The following KCNC2 variants were observed in gnomAD, a reference collection of about 807,000 sequenced individuals.
KCNC2 encodes potassium voltage-gated channel subfamily C member 2.
Under a neutral mutation model 44.5 loss-of-function variants are expected in KCNC2, and 21 were observed. The observed-to-expected ratio is 0.47, with a 90% CI of 0.33 to 0.68. KCNC2 has a LOEUF of 0.68. Ranked by LOEUF, KCNC2 falls within the 30% of genes least tolerant of loss-of-function variation. KCNC2 has a pLI of 0.01. For missense variants in KCNC2, 589 were observed against 826.2 expected (o/e 0.71, Z 3.52); for synonymous variants, 391 against 339.1 (o/e 1.15, Z -1.68).
At chr12:75,086,699 TACACAC>T in intron 2 of KCNC2, among the ~76,000 whole-genome samples, 1 of 138,902 alleles carries the variant, frequency 7.2e-6, no homozygotes, top group East Asian at 2.1e-4. Flanking sequence ...TATATATATA[TACACAC>T]ACATATTTAT....
intron 2 of KCNC2, among the ~76,000 whole-genome samples, chr12:75,075,382 T>C (rs1883831632): frequency 6.6e-6 from 1 of 151,124 alleles, no homozygotes; most frequent in Non-Finnish European, 1.5e-5. Flanking sequence ...AGCTGAATAA[T>C]CTCCTTACTA....
rs555181047 is a variant in KCNC2, at chr12:75,207,034, A to G, written c.687+263T>C. On this transcript the variant is annotated intron_variant, in intron 2 of 4. Coordinates refer to ENST00000549446, the MANE Select transcript of KCNC2 (RefSeq NM_139137.4). This position sits in a 1 kb window ranked among gnomAD's most constrained non-coding sequence, Gnocchi z 4.1. ...CAAAGACGTGCACAGAAAAGTCGAC[A>G]TTGGCCCTCTAGGTCCCATCTGCTA... 4.6e-5 allele frequency among the ~76,000 whole-genome samples: 7 copies of G among 152,298 alleles called. No homozygotes were observed. The South Asian group carries it at 1.2e-3, about 27-fold the overall frequency.
intron 1 of KCNC2, among the ~76,000 whole-genome samples, chr12:75,208,635 C>G (rs898355438): frequency 6.7e-6 from 1 of 149,948 alleles, no homozygotes; most frequent in African/African-American, 2.5e-5. Context: ...CCCCGGACCC[C>G]TCTCTACTCC....
At chr12:75,146,000 C>T (rs1890001156) in intron 2 of KCNC2, among the ~76,000 whole-genome samples, 1 of 148,734 alleles carries the variant, frequency 6.7e-6, no homozygotes, top group African/African-American at 2.5e-5. Context: ...GTTGCCCAGG[C>T]TTGAGTGCAG....
chr12:75,048,983 T>A (rs1330270382), intron 3 of KCNC2, among the ~76,000 whole-genome samples: 3 of 152,168 alleles, frequency 2.0e-5, no homozygotes. Flanking sequence ...TTTCAATGTT[T>A]ACCTGGGATG....
intron 2 of KCNC2, among the ~76,000 whole-genome samples, chr12:75,078,828 G>T (rs552133213): frequency 1.4e-3 from 209 of 152,232 alleles, no homozygotes; most frequent in African/African-American, 4.8e-3. Context: ...CTCTATTAAA[G>T]TTTCAGTGTT....
chr12:75,161,288 A>T (rs2926147), intron 2 of KCNC2, among the ~76,000 whole-genome samples: 151,790 of 151,790 alleles, frequency 1, 75,895 homozygotes, highest in Non-Finnish European at 1. Context: ...TGTACATATA[A>T]TACTAGAAAT....
chr12:75,064,203 T>C (rs1882604464), intron 2 of KCNC2, among the ~76,000 whole-genome samples: 1 of 152,092 alleles, frequency 6.6e-6, no homozygotes, highest in South Asian at 2.1e-4. Flanking sequence ...TAAAACACTT[T>C]TTATTAGCTA....
At chr12:75,149,893 T>C (rs921130444) in intron 2 of KCNC2, among the ~76,000 whole-genome samples, 2 of 151,896 alleles carry the variant, frequency 1.3e-5, no homozygotes, top group Non-Finnish European at 2.9e-5. Flanking sequence ...ACAAATTCAG[T>C]AAAAATTTCC....
intron 2 of KCNC2, among the ~76,000 whole-genome samples, chr12:75,177,032 TTATATATATA>T (rs3073537): frequency 7.1e-6 from 1 of 139,912 alleles, no homozygotes. Context: ...GCTGCAAGTT[TTATATATATA>T]TATATATATA....
At chr12:75,206,746 C>A (rs2031716660) in intron 2 of KCNC2, among the ~76,000 whole-genome samples, 1 of 152,176 alleles carries the variant, frequency 6.6e-6, no homozygotes, top group Non-Finnish European at 1.5e-5. Flanking sequence ...CTCTTCACAA[C>A]ATAAACCTCC....
chr12:75,072,560 T>A (rs1010231483), intron 2 of KCNC2, among the ~76,000 whole-genome samples: 11 of 150,782 alleles, frequency 7.3e-5, no homozygotes, highest in African/African-American at 2.4e-4. Flanking sequence ...TTTGAGAAAG[T>A]CAAAGATATT....
intron 2 of KCNC2, among the ~76,000 whole-genome samples, chr12:75,189,647 T>C (rs1250173024): frequency 6.6e-6 from 1 of 152,228 alleles, no homozygotes; most frequent in Non-Finnish European, 1.5e-5. Flanking sequence ...ATTAAACCTG[T>C]GCCAGGCTTC....
At chr12:75,190,802 A>G (rs892933625) in intron 2 of KCNC2, among the ~76,000 whole-genome samples, 16 of 152,144 alleles carry the variant, frequency 1.1e-4, no homozygotes, top group Non-Finnish European at 2.9e-5. Flanking sequence ...TTAAACAGGT[A>G]TAAATATGAC....
At chr12:75,103,778 T>C (rs745923939) in intron 2 of KCNC2, among the ~76,000 whole-genome samples, 1 of 152,204 alleles carries the variant, frequency 6.6e-6, no homozygotes, top group Non-Finnish European at 1.5e-5. Flanking sequence ...TGAAGTTTAA[T>C]GCTAAGTTAG....
intron 2 of KCNC2, among the ~76,000 whole-genome samples, chr12:75,117,928 C>T (rs1343658870): frequency 2.0e-5 from 3 of 152,024 alleles, no homozygotes; most frequent in Admixed American, 1.3e-4. Flanking sequence ...CAAATTGGTC[C>T]CCTGGAGTTG....
chr12:75,093,440 C>T (rs112837366), intron 2 of KCNC2, among the ~76,000 whole-genome samples: 8 of 151,684 alleles, frequency 5.3e-5, no homozygotes, highest in African/African-American at 1.7e-4. Flanking sequence ...ATGCAACATC[C>T]CTCCTTGTTG....
At chr12:75,071,160 A>G (rs559387297) in intron 2 of KCNC2, among the ~76,000 whole-genome samples, 38 of 152,022 alleles carry the variant, frequency 2.5e-4, no homozygotes, top group African/African-American at 8.2e-4. Context: ...AGATAATGGA[A>G]CTCTTTATAT....
chr12:75,185,267 T>C (rs1892861056), intron 2 of KCNC2, among the ~76,000 whole-genome samples: 1 of 152,156 alleles, frequency 6.6e-6, no homozygotes, highest in Non-Finnish European at 1.5e-5. Flanking sequence ...TTGATAAGTT[T>C]CAGTTATTAT....
Sources: gnomAD v4.1 joint callset for allele counts (sites outside exome capture counted in the v4.1 genomes callset) on GRCh38, gnomAD v4.1.1 for gene constraint, Gnocchi (gnomAD v3.1) non-coding constraint, MANE v1.5 for transcripts, NCBI Gene and HGNC (gene_info 2026-07-23, HGNC 2026-07-21) for gene names.